The following CEP152 variants were observed in gnomAD, a reference collection of about 807,000 sequenced individuals.
CEP152 encodes the protein centrosomal protein 152, also known as centrosomal protein of 152 kDa.
In CEP152, 132 loss-of-function variants were observed where a neutral mutation model predicts 188.9. The observed-to-expected ratio is 0.70, with a 90% confidence interval of 0.61 to 0.81. The LOEUF is 0.81. Ranked by LOEUF, CEP152 falls within the 30% of genes least tolerant of loss-of-function variation. The pLI is 0.00. For synonymous variants in CEP152, 649 were observed against 666.6 expected, an observed-to-expected ratio of 0.97 and a Z score of 0.41; for missense variants, 1,914 against 1,969.8, an observed-to-expected ratio of 0.97 and a Z score of 0.54.
Position 48,781,338 on chromosome 15 carries a change from C to A in CEP152, c.1435G>T (p.Asp479Tyr). 4 of 1,608,304 alleles carry A rather than the reference C, an allele frequency of 2.5e-6. No homozygotes were observed. Among genetic ancestry groups the A allele is most frequent in the Non-Finnish European group, 3.4e-6 (4 of 1,175,496 alleles). Reference protein sequence around the residue: ...ALQEELTELKDEISLYESAAK... With the variant: ...ALQEELTELKYEISLYESAAK... ...GCAGATTCATAGAGAGAAATTTCATCTTTTAGTTCTGTTAATTCTTCCTAC... is the reference window on the plus strand; with the variant it reads ...GCAGATTCATAGAGAGAAATTTCATATTTTAGTTCTGTTAATTCTTCCTAC... The change falls in exon 12 of 27, where the codon GAT becomes TAT. Residue 479 changes from aspartate (D) to tyrosine (Y), a missense_variant. Asp to Tyr is a radical substitution (Grantham distance 160). Transcript: ENST00000380950.
intron 21 of CEP152, among the ~76,000 whole-genome samples, chr15:48,750,929 G>C (rs542343185): frequency 1.8e-3 from 268 of 152,222 alleles, no homozygotes; most frequent in Non-Finnish European, 3.3e-3. Flanking sequence ...GTGATGTTCT[G>C]TACCTTAAGC....
intron 12 of CEP152, among the ~76,000 whole-genome samples, chr15:48,776,155 G>A (rs958121639): frequency 1.3e-5 from 2 of 151,926 alleles, no homozygotes; most frequent in African/African-American, 4.8e-5. Context: ...CCTGGGTGGT[G>A]GTCCTACGAA....
At chr15:48,789,143 AT>A in intron 8 of CEP152, 142 bp from the exon 9 acceptor site, 1 of 771,234 alleles carries the variant, frequency 1.3e-6, no homozygotes, top group South Asian at 1.6e-5. Context: ...TCCGCTCATC[AT>A]GGCTCAAGCT....
Position 48,781,347 on chromosome 15 carries a change from C to T in CEP152, c.1426G>A (p.Glu476Lys), listed in dbSNP as rs748513916. Residue 476 changes from glutamate (E) to lysine (K), a missense_variant, in exon 12 of 27, where the codon GAA becomes AAA. Coordinates refer to ENST00000380950, the MANE Select transcript of CEP152 (RefSeq NM_001194998.2). ...TAGAGAGAAATTTCATCTTTTAGTT[C>T]TGTTAATTCTTCCTACAACACAAAA... ...MNKALQEELT[E>K]LKDEISLYES... 12 of 1,603,334 alleles carry T rather than the reference C, an allele frequency of 7.5e-6. No individual in the cohort carries two copies. In the South Asian group the frequency reaches 8.8e-5, roughly 12 times the overall value.
intron 8 of CEP152, among the ~76,000 whole-genome samples, chr15:48,789,826 T>C (rs1299495973): frequency 1.3e-5 from 2 of 152,192 alleles, no homozygotes; most frequent in Non-Finnish European, 2.9e-5. Flanking sequence ...CGGAAAGCAA[T>C]GCAGCCTTGT....
intron 2 of CEP152, 90 bp downstream of exon 2, chr15:48,805,473 G>T: frequency 9.2e-5 from 129 of 1,399,786 alleles, no homozygotes; most frequent in East Asian, 3.3e-4. Flanking sequence ...CCTTCAAAAT[G>T]ACACAAGATG....
At chr15:48,747,815 T>C (rs1328616833) in intron 22 of CEP152, among the ~76,000 whole-genome samples, 2 of 152,194 alleles carry the variant, frequency 1.3e-5, no homozygotes, top group Non-Finnish European at 2.9e-5. Context: ...AGAGGGGCAC[T>C]GGGAAATGGT....
chr15:48,801,440 A>C (rs79627276), intron 2 of CEP152, among the ~76,000 whole-genome samples: 6,347 of 152,300 alleles, frequency 0.042, 170 homozygotes, highest in South Asian at 0.069. Context: ...TGCCAAGTGC[A>C]AGTTTCTATC....
intron 11 of CEP152, among the ~76,000 whole-genome samples, chr15:48,781,747 A>C (rs1385659546): frequency 6.6e-6 from 1 of 152,164 alleles, no homozygotes; most frequent in Non-Finnish European, 1.5e-5. Context: ...GGTGGAGGTA[A>C]TAATGGAACT....
chr15:48,733,212 G>C (rs1892485249), downstream of CEP152, among the ~76,000 whole-genome samples: 1 of 152,134 alleles, frequency 6.6e-6, no homozygotes, highest in African/African-American at 2.4e-5. Context: ...GAATTGGCAG[G>C]TTCCCAATAT....
In CEP152 at chr15:48,797,623, C is replaced by T. The variant is rs186224041; in HGVS notation, c.261+38G>A. Reference sequence around the variant, plus strand: ...AAAACAAAAGCACGAAGATCCAGTCCCACCCTCACCAAAGTCATCATCACA... The same window carrying T: ...AAAACAAAAGCACGAAGATCCAGTCTCACCCTCACCAAAGTCATCATCACA... On this transcript the variant is annotated intron_variant, in intron 4 of 26. Coordinates refer to ENST00000380950, the MANE Select transcript of CEP152 (RefSeq NM_001194998.2). 2.9e-4 allele frequency: 465 copies of T among 1,613,868 alleles called. 5 individuals carry two copies. The African/African-American group carries it at 3.9e-3, about 13-fold the overall frequency.
intron 8 of CEP152, 178 bp from the exon 9 acceptor site, chr15:48,789,179 C>T (rs1329333675): frequency 1.8e-5 from 11 of 628,356 alleles, no homozygotes; most frequent in Non-Finnish European, 2.8e-5. Context: ...TAGCTGGGAC[C>T]CTCCAGGCCC....
intron 9 of CEP152, among the ~76,000 whole-genome samples, chr15:48,784,742 A>G (rs761987941): frequency 2.0e-5 from 3 of 152,190 alleles, no homozygotes; most frequent in African/African-American, 7.2e-5. Context: ...TAGACATATC[A>G]AGTGCTGTAA....
chr15:48,802,238 C>T (rs962652802), intron 2 of CEP152, among the ~76,000 whole-genome samples: 1 of 152,142 alleles, frequency 6.6e-6, no homozygotes, highest in Non-Finnish European at 1.5e-5. Context: ...TCTGGGACAG[C>T]TTTATAAAGA....
At chr15:48,747,461 CAATACAG>C (rs2140608135) in intron 22 of CEP152, among the ~76,000 whole-genome samples, 1 of 152,200 alleles carries the variant, frequency 6.6e-6, no homozygotes, top group South Asian at 2.1e-4. Context: ...CAAACAATTA[CAATACAG>C]AATGGTAATG....
chr15:48,771,310 T>G (rs1895514938), intron 13 of CEP152, among the ~76,000 whole-genome samples: 1 of 152,240 alleles, frequency 6.6e-6, no homozygotes, highest in African/African-American at 2.4e-5. Flanking sequence ...TTTTCCGAAC[T>G]GAAGAATACA....
intron 9 of CEP152, 109 bp downstream of exon 9, chr15:48,788,692 T>C: frequency 1.8e-6 from 2 of 1,086,752 alleles, no homozygotes; most frequent in South Asian, 2.5e-5. Context: ...CAATCTAACA[T>C]TTACTACAAA....
chr15:48,758,285 C>T (rs1249202894), intron 19 of CEP152, among the ~76,000 whole-genome samples: 1 of 152,206 alleles, frequency 6.6e-6, no homozygotes, highest in African/African-American at 2.4e-5. Context: ...GCTATGGAAC[C>T]GGCCCTTTCT....
At chr15:48,778,585 G>A (rs1170021084) in intron 12 of CEP152, among the ~76,000 whole-genome samples, 2 of 152,042 alleles carry the variant, frequency 1.3e-5, no homozygotes, top group Non-Finnish European at 2.9e-5. Flanking sequence ...CACTGAATGC[G>A]TCCATCATTC....
Sources: allele counts gnomAD v4.1 joint callset (sites outside exome capture counted in the v4.1 genomes callset), GRCh38; gene constraint gnomAD v4.1.1; transcripts MANE v1.5; gene names NCBI Gene and HGNC (gene_info 2026-07-23, HGNC 2026-07-21).